The following RPS6KC1 variants were observed in gnomAD, a reference collection of about 807,000 sequenced individuals.
RPS6KC1 encodes ribosomal protein S6 kinase C1, also known as inactive ribosomal protein S6 kinase delta-1.
In RPS6KC1, 54 loss-of-function variants were observed where a neutral mutation model predicts 103.8. That is an observed-to-expected ratio of 0.52 (90% CI 0.42 to 0.65). The LOEUF is 0.65. RPS6KC1 is among the 30% of genes least tolerant of loss of function. The pLI, the probability that RPS6KC1 is intolerant of heterozygous loss-of-function variation, is 0.00. For missense variants in RPS6KC1, 1,151 were observed against 1,253.8 expected (o/e 0.92, Z 1.24); for synonymous variants, 439 against 438.7 (o/e 1.00, Z -0.01).
the RPS6KC1 span, among the ~76,000 whole-genome samples, chr1:213,673,474 ATGG>A: frequency 6.6e-6 from 1 of 152,206 alleles, no homozygotes; most frequent in Non-Finnish European, 1.5e-5. Flanking sequence ...GGAAGTGATG[ATGG>A]TTTCACTCCA....
chr1:213,103,625 A>G (rs960693192), intron 3 of RPS6KC1, among the ~76,000 whole-genome samples: 1 of 152,172 alleles, frequency 6.6e-6, no homozygotes, highest in African/African-American at 2.4e-5. Flanking sequence ...CTATATAACT[A>G]GGAATCTCTT....
At chr1:213,461,856 A>G in the RPS6KC1 span, among the ~76,000 whole-genome samples, 1 of 152,226 alleles carries the variant, frequency 6.6e-6, no homozygotes, top group East Asian at 1.9e-4. Flanking sequence ...GGACATAGGC[A>G]TGGGCAAAGA....
chr1:213,808,583 C>G, the RPS6KC1 span, among the ~76,000 whole-genome samples: 1 of 152,250 alleles, frequency 6.6e-6, no homozygotes, highest in South Asian at 2.1e-4. Flanking sequence ...ACCCTCCGAG[C>G]CAGGTGCAGG....
chr1:213,722,648 C>G, the RPS6KC1 span, among the ~76,000 whole-genome samples: 1 of 152,082 alleles, frequency 6.6e-6, no homozygotes, highest in Non-Finnish European at 1.5e-5. Context: ...GGAGGGAGAC[C>G]CAGAGTGAAC....
At position 213,232,213 on chromosome 1, in the gene RPS6KC1, A is replaced by G. The variant is rs762294650; in HGVS notation, c.1183A>G (p.Ile395Val). ...PNMVCLHKYI[I>V]SEESVFLVLQ... is the part of the protein sequence containing the mutation. ...CATGGTGTGTCTGCATAAGTACATC[A>G]TCTCTGAGGAGTCAGTATTTCTTGT... is the stretch of plus-strand genomic sequence containing the variant. The change falls in exon 10 of 15, where the codon ATC (isoleucine) becomes GTC (valine). Residue 395 changes from isoleucine (I) to valine (V), a missense_variant. By Grantham distance (29) the Ile-to-Val change is conservative. Transcript: ENST00000366960. 1.2e-6 allele frequency: 2 copies of G among 1,614,042 alleles called. No homozygotes were observed. The highest frequency in any genetic ancestry group is 1.7e-6 in the Non-Finnish European group (2 of 1,179,908).
the RPS6KC1 span, among the ~76,000 whole-genome samples, chr1:213,449,096 A>G: frequency 6.6e-6 from 1 of 152,024 alleles, no homozygotes. Flanking sequence ...TGTGGCTTGA[A>G]ACTTTTAAAT....
At chr1:213,057,166 C>T (rs753075798) in intron 1 of RPS6KC1, among the ~76,000 whole-genome samples, 1 of 151,966 alleles carries the variant, frequency 6.6e-6, no homozygotes, top group Admixed American at 6.6e-5. Context: ...ATCTTGAACT[C>T]CTGAGCTCAA....
chr1:213,578,792 A>T, the RPS6KC1 span, among the ~76,000 whole-genome samples: 1 of 152,208 alleles, frequency 6.6e-6, no homozygotes, highest in Admixed American at 6.5e-5. Context: ...CACGGGCAGA[A>T]GAGATTTGCC....
the RPS6KC1 span, among the ~76,000 whole-genome samples, chr1:213,282,348 G>A: frequency 2.6e-5 from 4 of 152,228 alleles, no homozygotes; most frequent in Non-Finnish European, 5.9e-5. Context: ...GGCTCCTTGT[G>A]TAACCTTACC....
At chr1:213,254,964 T>C (rs934851757) in intron 12 of RPS6KC1, among the ~76,000 whole-genome samples, 2 of 151,760 alleles carry the variant, frequency 1.3e-5, no homozygotes, top group Admixed American at 1.3e-4. Flanking sequence ...AAAAATGTTT[T>C]GAAAATTGGC....
Position 213,254,974 on chromosome 1 carries a change from CA to C in RPS6KC1, c.2912-6573del, listed in dbSNP as rs558900101. Among the ~76,000 whole-genome samples, 222 of 140,924 alleles carry C rather than the reference CA, an allele frequency of 1.6e-3. 1 individual carries two copies. Among genetic ancestry groups the C allele is most frequent in the African/African-American group, 4.3e-3 (167 of 38,472 alleles). 92.5% of individuals were successfully genotyped at this position (140,924 alleles called of 152,430 possible). On this transcript the variant is annotated intron_variant, in intron 12 of 14. Transcript: ENST00000366960. ...ATAGGAAAAATGTTTTGAAAATTGG[CA>C]AAAAAAAAAAGTGGTAGAATTTATC...
chr1:213,720,688 C>T, the RPS6KC1 span, among the ~76,000 whole-genome samples: 14 of 152,156 alleles, frequency 9.2e-5, no homozygotes, highest in Non-Finnish European at 1.8e-4. Flanking sequence ...GGCTATTATG[C>T]CTTTATTTTT....
At chr1:213,595,771 G>A in the RPS6KC1 span, among the ~76,000 whole-genome samples, 1 of 152,152 alleles carries the variant, frequency 6.6e-6, no homozygotes, top group Admixed American at 6.5e-5. Context: ...GAACTGTGTG[G>A]CATTCTCAAA....
chr1:213,423,210 G>A, the RPS6KC1 span, among the ~76,000 whole-genome samples: 1 of 152,198 alleles, frequency 6.6e-6, no homozygotes, highest in Admixed American at 6.5e-5. Context: ...CTGAGGACAA[G>A]CTGCCCATCT....
At chr1:213,728,332 G>C in the RPS6KC1 span, among the ~76,000 whole-genome samples, 1 of 152,172 alleles carries the variant, frequency 6.6e-6, no homozygotes, top group African/African-American at 2.4e-5. Context: ...CCCAAGCTAT[G>C]CTAATAATAA....
the RPS6KC1 span, among the ~76,000 whole-genome samples, chr1:213,770,654 T>A: frequency 2.0e-5 from 3 of 152,298 alleles, no homozygotes; most frequent in Admixed American, 6.5e-5. Flanking sequence ...CCAGTAGGGT[T>A]AATGAACTGC....
the RPS6KC1 span, among the ~76,000 whole-genome samples, chr1:213,815,403 A>T: frequency 1.3e-5 from 2 of 152,362 alleles, no homozygotes; most frequent in South Asian, 4.1e-4. Context: ...GTGAACTCCA[A>T]ACATTTTAGT....
At chr1:213,719,677 G>A in the RPS6KC1 span, among the ~76,000 whole-genome samples, 2 of 152,194 alleles carry the variant, frequency 1.3e-5, no homozygotes, top group African/African-American at 4.8e-5. Flanking sequence ...GAAGGATGTG[G>A]TCTCTGTCCC....
At chr1:213,338,084 G>A in the RPS6KC1 span, among the ~76,000 whole-genome samples, 2 of 152,124 alleles carry the variant, frequency 1.3e-5, no homozygotes, top group Non-Finnish European at 2.9e-5. Context: ...GTTATTGGGG[G>A]AAGAGCTGAA....
Sources: allele counts gnomAD v4.1 joint callset (sites outside exome capture counted in the v4.1 genomes callset), GRCh38; gene constraint gnomAD v4.1.1; transcripts MANE v1.5; gene names NCBI Gene and HGNC (gene_info 2026-07-23, HGNC 2026-07-21).